GFRA1: variants seen among roughly 807,000 people sequenced by gnomAD.
The protein encoded by GFRA1 is GDNF family receptor alpha 1.
GFRA1 carries 16 observed loss-of-function variants against 51.6 expected under a neutral mutation model. The observed-to-expected ratio is 0.31, with a 90% CI of 0.21 to 0.47. GFRA1 has a LOEUF of 0.47. Ranked by LOEUF, GFRA1 falls within the 20% of genes least tolerant of loss-of-function variation. The pLI is 1.00. For synonymous variants in GFRA1, 270 were observed against 241.3 expected (o/e 1.12, Z -1.10); for missense variants, 530 against 594.3 (o/e 0.89, Z 1.13).
At chr10:116,218,905 C>T (rs961883895) in intron 4 of GFRA1, among the ~76,000 whole-genome samples, 1 of 152,190 alleles carries the variant, frequency 6.6e-6, no homozygotes, top group African/African-American at 2.4e-5. Context: ...CCTCCCTTCA[C>T]CTTTTATCAT....
intron 5 of GFRA1, among the ~76,000 whole-genome samples, chr10:116,187,973 C>A (rs1962887360): frequency 6.6e-6 from 1 of 152,158 alleles, no homozygotes; most frequent in Non-Finnish European, 1.5e-5. Flanking sequence ...CTGAGTGTAA[C>A]TGGCAGATAT....
At position 116,065,598 on chromosome 10, in the gene GFRA1, C is replaced by G. The variant is rs1185770507; in HGVS notation, c.1226G>C (p.Gly409Ala). 4 of 1,613,358 alleles carry G rather than the reference C, an allele frequency of 2.5e-6. No homozygotes were observed. Among genetic ancestry groups the G allele is most frequent in the Non-Finnish European group, 3.4e-6 (4 of 1,179,592 alleles). Residue 409 changes from glycine (G) to alanine (A), a missense_variant, in exon 10 of 11, where the codon GGC becomes GCC. Physicochemically the swap from Gly to Ala is moderately conservative, Grantham distance 60. Coordinates refer to ENST00000355422, the MANE Select transcript of GFRA1 (RefSeq NM_005264.8). ...QAQKLKSNVS[G>A]NTHLCISNGN... ...ATTGGAAATACAGAGGTGTGTATTGCCCGACACATTGGATTTCAGCTTCTG... is the reference window on the plus strand; with the variant it reads ...ATTGGAAATACAGAGGTGTGTATTGGCCGACACATTGGATTTCAGCTTCTG...
intron 4 of GFRA1, among the ~76,000 whole-genome samples, chr10:116,216,377 T>C (rs1379347047): frequency 6.6e-6 from 1 of 152,186 alleles, no homozygotes. Context: ...TTGCTTTGTT[T>C]TATGAGGAGA....
chr10:116,168,821 C>T (rs1159909335), intron 5 of GFRA1, among the ~76,000 whole-genome samples: 1 of 152,168 alleles, frequency 6.6e-6, no homozygotes, highest in East Asian at 1.9e-4. Context: ...TGAAGCCATC[C>T]ACATCCAGCA....
At chr10:116,167,252 T>G (rs1439229084) in intron 5 of GFRA1, among the ~76,000 whole-genome samples, 2 of 152,186 alleles carry the variant, frequency 1.3e-5, no homozygotes, top group Non-Finnish European at 2.9e-5. Context: ...AAATGAATAC[T>G]TCCCAGGATT....
intron 5 of GFRA1, among the ~76,000 whole-genome samples, chr10:116,184,252 C>G (rs1589852740): frequency 6.6e-6 from 1 of 152,216 alleles, no homozygotes; most frequent in Admixed American, 6.5e-5. Context: ...AGAGGAGCTG[C>G]CCACCAAAGC....
intron 5 of GFRA1, among the ~76,000 whole-genome samples, chr10:116,133,012 T>C (rs1207173619): frequency 1.3e-5 from 2 of 151,726 alleles, no homozygotes; most frequent in Non-Finnish European, 2.9e-5. Context: ...CATTAAAATG[T>C]TGCTTTCCCC....
chr10:116,160,611 T>C (rs1959657435), intron 5 of GFRA1, among the ~76,000 whole-genome samples: 2 of 152,222 alleles, frequency 1.3e-5, no homozygotes, highest in Admixed American at 1.3e-4. Context: ...TAAGACCCAG[T>C]GTTATACAAC....
intron 6 of GFRA1, among the ~76,000 whole-genome samples, chr10:116,122,685 G>A (rs1957695042): frequency 6.6e-6 from 1 of 152,122 alleles, no homozygotes; most frequent in Admixed American, 6.5e-5. Context: ...CAATATGTGT[G>A]GGGGAGGTCT....
Position 116,149,349 on chromosome 10 carries a change from G to A in GFRA1, c.434-23792C>T, listed in dbSNP as rs1015362565. Among the ~76,000 whole-genome samples the A allele has an allele frequency of 2.6e-5, 4 of 152,110 alleles. No individual in the cohort carries two copies. The East Asian group carries it at 5.8e-4, about 22-fold the overall frequency. On this transcript the variant is annotated intron_variant, in intron 5 of 10. Transcript: ENST00000355422. ...AAAATCCAAACATGTTAGAGAAACA[G>A]GGATTTTTAGCCCCCCACAGCTTTA...
chr10:116,162,359 G>A (rs1168296301), intron 5 of GFRA1, among the ~76,000 whole-genome samples: 2 of 152,284 alleles, frequency 1.3e-5, no homozygotes, highest in Non-Finnish European at 2.9e-5. Context: ...GATGTATCTC[G>A]CCACAGGCCA....
intron 5 of GFRA1, among the ~76,000 whole-genome samples, chr10:116,209,957 T>A (rs1965063032): frequency 6.6e-6 from 1 of 152,110 alleles, no homozygotes; most frequent in South Asian, 2.1e-4. Flanking sequence ...TAATACCTTA[T>A]AAGGGAGCGG....
chr10:116,110,686 G>A (rs1197689196), intron 6 of GFRA1, among the ~76,000 whole-genome samples: 1 of 152,132 alleles, frequency 6.6e-6, no homozygotes, highest in Non-Finnish European at 1.5e-5. Context: ...CACATGCCTG[G>A]CCCAGGGTTC....
rs1965201741 is a variant in GFRA1, at chr10:116,211,636, T to G, written c.428A>C (p.Gln143Pro). 2 of 1,550,586 alleles carry G rather than the reference T, an allele frequency of 1.3e-6. No individual in the cohort carries two copies. The highest frequency in any genetic ancestry group is 1.7e-6 in the Non-Finnish European group (2 of 1,146,324). Residue 143 changes from glutamine (Q) to proline (P), a missense_variant, in exon 5 of 11, where the codon CAG becomes CCG. Coordinates refer to ENST00000355422, the MANE Select transcript of GFRA1 (RefSeq NM_005264.8). Reference protein sequence around the residue: ...RVVPFISDVFQQVEHIPKGNN... With the variant: ...RVVPFISDVFPQVEHIPKGNN... ...GCAGGAAACAGTGAACTTACCTTGC[T>G]GAAAAACATCTGCCAAGAAAGAAGA...
chr10:116,226,945 C>G (rs4628599), intron 4 of GFRA1, among the ~76,000 whole-genome samples: 116,158 of 151,900 alleles, frequency 0.76, 44,482 homozygotes, highest in East Asian at 0.83. Flanking sequence ...ACAGGTGGCG[C>G]AGGTCAGGCG....
intron 4 of GFRA1, among the ~76,000 whole-genome samples, chr10:116,218,228 C>G (rs1965692938): frequency 6.6e-6 from 1 of 152,162 alleles, no homozygotes; most frequent in Non-Finnish European, 1.5e-5. Context: ...TCCTCTGGAC[C>G]TGCCTTCGTT....
At chr10:116,133,566 A>G (rs969041748) in intron 5 of GFRA1, among the ~76,000 whole-genome samples, 3 of 152,190 alleles carry the variant, frequency 2.0e-5, no homozygotes, top group East Asian at 1.9e-4. Context: ...TTGTGAGATG[A>G]TATATCTAAG....
intron 6 of GFRA1, among the ~76,000 whole-genome samples, chr10:116,100,820 A>G (rs1956789863): frequency 6.6e-6 from 1 of 152,188 alleles, no homozygotes; most frequent in African/African-American, 2.4e-5. Context: ...CAAAGAACCG[A>G]GGGCCGGAAG....
At chr10:116,148,226 C>T (rs1206741674) in intron 5 of GFRA1, among the ~76,000 whole-genome samples, 1 of 151,884 alleles carries the variant, frequency 6.6e-6, no homozygotes, top group Non-Finnish European at 1.5e-5. Context: ...AACTTCAGGG[C>T]CAAATGTGAC....
Sources: allele counts gnomAD v4.1 joint callset (sites outside exome capture counted in the v4.1 genomes callset), GRCh38; gene constraint gnomAD v4.1.1; transcripts MANE v1.5; gene names NCBI Gene and HGNC (gene_info 2026-07-23, HGNC 2026-07-21).